The following PCP4 variants were observed in gnomAD, a reference collection of about 807,000 sequenced individuals.
The protein encoded by PCP4 is calmodulin regulator protein PCP4.
A neutral mutation model predicts 10.0 loss-of-function variants in PCP4; 8 were observed. That is an observed-to-expected ratio of 0.80 (90% CI 0.47 to 1.45). The LOEUF (loss-of-function observed/expected upper bound fraction) is 1.45, where lower values mean the gene tolerates loss of function less well. PCP4 is among the 40% of genes most tolerant of loss of function. The pLI is 0.00. For missense variants in PCP4, 54 were observed against 74.4 expected, an observed-to-expected ratio of 0.73 and a Z score of 1.01; for synonymous variants, 21 against 23.0, an observed-to-expected ratio of 0.91 and a Z score of 0.24.
rs548623137 is a variant in PCP4 at position 39,868,635 on chromosome 21, T to C, written c.9+1125T>C. Among the ~76,000 whole-genome samples the C allele has an allele frequency of 2.0e-5, 3 of 152,312 alleles. No homozygotes were observed. The South Asian group carries it at 6.2e-4, about 32-fold the overall frequency. ...TGCCTAATGGTCTGTGTGCCGACAG[T>C]GTCAGGCTGTCTCTGCATCTGTCAC... On this transcript the variant is annotated intron_variant, in intron 1 of 2. Transcript: ENST00000328619.
At chr21:39,907,227 C>T (rs1194651930) in intron 2 of PCP4, among the ~76,000 whole-genome samples, 1 of 152,142 alleles carries the variant, frequency 6.6e-6, no homozygotes. Flanking sequence ...CTCCCCTCCA[C>T]ATGAGGCAGG....
intron 2 of PCP4, among the ~76,000 whole-genome samples, chr21:39,916,760 C>A (rs2087570358): frequency 6.6e-6 from 1 of 152,148 alleles, no homozygotes; most frequent in Non-Finnish European, 1.5e-5. Context: ...GAATACTATG[C>A]AGCTCTAAAA....
intron 2 of PCP4, among the ~76,000 whole-genome samples, chr21:39,923,465 T>C (rs893907233): frequency 6.6e-6 from 1 of 152,246 alleles, no homozygotes; most frequent in Non-Finnish European, 1.5e-5. Context: ...TGTACAGTAC[T>C]CCTGAGTTAG....
chr21:39,892,038 C>T (rs1215389530), intron 1 of PCP4, among the ~76,000 whole-genome samples: 1 of 152,152 alleles, frequency 6.6e-6, no homozygotes, highest in Non-Finnish European at 1.5e-5. Context: ...TGGAGCAGAG[C>T]GTTCCCTGAC....
At chr21:39,923,065 A>G (rs1427441638) in intron 2 of PCP4, among the ~76,000 whole-genome samples, 3 of 152,214 alleles carry the variant, frequency 2.0e-5, no homozygotes, top group African/African-American at 7.2e-5. Flanking sequence ...AAATTTCAGA[A>G]TGTCTATGCA....
chr21:39,906,609 CT>C lies in PCP4; in HGVS notation c.61+8086del. On this transcript the variant is annotated intron_variant, in intron 2 of 2. Transcript: ENST00000328619. This position sits in a 1 kb window ranked among gnomAD's most constrained non-coding sequence, Gnocchi z 6.3. ...CCTTCCCTTCCTTCCCTCCCTCCGT[CT>C]TTTCTTCCTACCTTTCATCCTTTTC... 6.6e-6 allele frequency among the ~76,000 whole-genome samples: 1 copy of C among 152,032 alleles called. No individual in the cohort carries two copies.
In PCP4 at chr21:39,929,271, C is replaced by T. The variant is rs1289887106; in HGVS notation, c.*160C>T. On this transcript the variant is annotated 3_prime_UTR_variant, in exon 3 of 3. Coordinates refer to ENST00000328619, the MANE Select transcript of PCP4 (RefSeq NM_006198.3). The stretch of plus-strand genomic sequence containing the variant: ...TACAGAAACCTGTGATATTTATACC[C>T]TTGTAGGAAGGTATAGACAATGGAA... 5.1e-6 allele frequency: 3 copies of T among 586,454 alleles called. No homozygotes were observed. The allele number at this position is 586,454 out of a possible 1,614,324, so 36.3% of individuals were successfully genotyped here.
Position 39,898,476 on chromosome 21 carries a change from C to G in PCP4, c.10C>G (p.Arg4Gly), listed in dbSNP as rs144011084. The part of the protein sequence containing the change: MSE[R>G]QGAGATNGKD... ...TTTTTCTTTTATTTTTTGCCTTTAG[C>G]GACAAGGTGCTGGGGCAACCAATGG... Residue 4 changes from arginine (R) to glycine (G), a missense_variant and splice_region_variant, in exon 2 of 3, where the codon CGA (arginine) becomes GGA (glycine). Transcript: ENST00000328619. 3.7e-6 allele frequency: 6 copies of G among 1,613,192 alleles called. No individual in the cohort carries two copies. In the African/African-American group the frequency reaches 6.7e-5, roughly 18 times the overall value.
In PCP4 at chr21:39,898,477, G is replaced by T; in HGVS notation, c.11G>T (p.Arg4Leu). Residue 4 changes from arginine to leucine, a missense_variant and splice_region_variant, in exon 2 of 3, where the codon CGA becomes CTA. Physicochemically the swap from Arg to Leu is moderately radical, Grantham distance 102. Transcript: ENST00000328619. Reference protein sequence around the residue: MSERQGAGATNGKD... With the variant: MSELQGAGATNGKD... Reference sequence around the variant, plus strand: ...TTTTCTTTTATTTTTTGCCTTTAGCGACAAGGTGCTGGGGCAACCAATGGA... The same window carrying T: ...TTTTCTTTTATTTTTTGCCTTTAGCTACAAGGTGCTGGGGCAACCAATGGA... 6.2e-7 allele frequency: 1 copy of T among 1,613,602 alleles called. No individual in the cohort carries two copies. Among genetic ancestry groups the T allele is most frequent in the Non-Finnish European group, 8.5e-7 (1 of 1,179,680 alleles).
At chr21:39,893,275 G>C (rs2087441690) in intron 1 of PCP4, among the ~76,000 whole-genome samples, 2 of 152,268 alleles carry the variant, frequency 1.3e-5, no homozygotes, top group African/African-American at 4.8e-5. Context: ...AGAACTGTCA[G>C]GAAAATTTAC....
At position 39,898,867 on chromosome 21, in the gene PCP4, T is replaced by A. The variant is rs545274464; in HGVS notation, c.61+340T>A. On this transcript the variant is annotated intron_variant, in intron 2 of 2. Transcript: ENST00000328619. The stretch of plus-strand genomic sequence containing the variant: ...GAGGATAAAATGAGATCAAACGAGA[T>A]AAGTGATTTGAAAACTGTGAAGTAC... 3.3e-5 allele frequency among the ~76,000 whole-genome samples: 5 copies of A among 152,336 alleles called. No individual in the cohort carries two copies. In the East Asian group the frequency reaches 9.6e-4, roughly 29 times the overall value.
intron 2 of PCP4, among the ~76,000 whole-genome samples, chr21:39,900,289 C>T (rs557110098): frequency 5.3e-5 from 8 of 152,294 alleles, no homozygotes; most frequent in Admixed American, 2.0e-4. Context: ...CCCGCCTCGG[C>T]CCCCCAAAGT....
intron 1 of PCP4, among the ~76,000 whole-genome samples, chr21:39,879,960 C>T (rs964164919): frequency 1.3e-5 from 2 of 152,108 alleles, no homozygotes; most frequent in Admixed American, 1.3e-4. Context: ...CCCCTTGGAC[C>T]GCATGGGTCA....
intron 1 of PCP4, among the ~76,000 whole-genome samples, chr21:39,891,186 A>C (rs2087428993): frequency 6.6e-6 from 1 of 152,220 alleles, no homozygotes; most frequent in Non-Finnish European, 1.5e-5. Context: ...TGAAAAAAAA[A>C]TAGTCACCCA....
intron 1 of PCP4, among the ~76,000 whole-genome samples, chr21:39,884,550 A>G (rs1310465946): frequency 1.3e-5 from 2 of 151,768 alleles, no homozygotes; most frequent in South Asian, 2.1e-4. Flanking sequence ...TAATCCCAGC[A>G]CTCTGGGAGG....
At chr21:39,903,639 C>T (rs1200134907) in intron 2 of PCP4, among the ~76,000 whole-genome samples, 5 of 152,012 alleles carry the variant, frequency 3.3e-5, no homozygotes, top group African/African-American at 7.2e-5. Flanking sequence ...GAGGCCGAGG[C>T]GGGCGGATCA....
intron 1 of PCP4, among the ~76,000 whole-genome samples, chr21:39,894,021 G>A (rs1320137092): frequency 6.6e-6 from 1 of 152,136 alleles, no homozygotes; most frequent in Non-Finnish European, 1.5e-5. Context: ...GTCTGCATGG[G>A]GACAAGGTGT....
At chr21:39,875,565 G>A (rs1281559882) in intron 1 of PCP4, among the ~76,000 whole-genome samples, 1 of 152,220 alleles carries the variant, frequency 6.6e-6, no homozygotes, top group African/African-American at 2.4e-5. Flanking sequence ...AGGGTGACTT[G>A]ACGTGATTTT....
chr21:39,927,497 T>C (rs1024849549), intron 2 of PCP4, among the ~76,000 whole-genome samples: 5 of 152,104 alleles, frequency 3.3e-5, no homozygotes, highest in African/African-American at 1.2e-4. Flanking sequence ...TGCCTGAGCA[T>C]TATTATGCAA....
Sources: gnomAD v4.1 joint callset for allele counts (sites outside exome capture counted in the v4.1 genomes callset) on GRCh38, gnomAD v4.1.1 for gene constraint, Gnocchi (gnomAD v3.1) non-coding constraint, MANE v1.5 for transcripts, NCBI Gene and HGNC (gene_info 2026-07-23, HGNC 2026-07-21) for gene names.